HDGFL3: variants seen among roughly 807,000 people sequenced by gnomAD.
The protein encoded by HDGFL3 is HDGF like 3, also known as hepatoma-derived growth factor-related protein 3.
A neutral mutation model predicts 27.6 loss-of-function variants in HDGFL3; 6 were observed. That is an observed-to-expected ratio of 0.22 (90% CI 0.12 to 0.43). The LOEUF (loss-of-function observed/expected upper bound fraction) is 0.43, where lower values mean the gene tolerates loss of function less well. HDGFL3 is among the 20% of genes least tolerant of loss of function. The probability of loss-of-function intolerance (pLI) is 1.00; values close to 1 mark genes in which losing one functional copy is unlikely to be tolerated. For synonymous variants in HDGFL3, 88 were observed against 88.9 expected (o/e 0.99, Z 0.05); for missense variants, 207 against 250.1 (o/e 0.83, Z 1.16).
intron 5 of HDGFL3, among the ~76,000 whole-genome samples, chr15:83,139,692 C>A (rs549114024): frequency 1.2e-4 from 18 of 152,134 alleles, no homozygotes; most frequent in Admixed American, 5.9e-4. Context: ...AGAGTGTGCA[C>A]CAATTAATCT....
chr15:83,193,619 T>C (rs57729044), intron 1 of HDGFL3, among the ~76,000 whole-genome samples: 38,245 of 151,998 alleles, frequency 0.25, 5,179 homozygotes, highest in African/African-American at 0.35. Context: ...AGGAAAAATA[T>C]GAAAGCAACT....
intron 1 of HDGFL3, among the ~76,000 whole-genome samples, chr15:83,206,394 C>G (rs925778816): frequency 1.3e-5 from 2 of 152,184 alleles, no homozygotes; most frequent in African/African-American, 4.8e-5. Context: ...TTCAAGCAAT[C>G]AACTGCCAAC....
Position 83,164,184 on chromosome 15 carries a change from A to G in HDGFL3, c.85-109T>C, listed in dbSNP as rs542974729. 7 of 732,452 alleles carry G rather than the reference A, an allele frequency of 9.6e-6. No homozygotes were observed. In the South Asian group the frequency reaches 1.4e-4, roughly 15 times the overall value. The allele number at this position is 732,452 out of a possible 1,614,324, so 45.4% of individuals were successfully genotyped here. A position where few individuals can be genotyped will look rare whatever the true frequency, so the allele number is the denominator to read the frequency against. ...CAAAATAAAATCAATCAAAACTCAG[A>G]TAGTTTTTTAGAACTTTACAAAATG... On this transcript the variant is annotated intron_variant, in intron 1 of 5. Coordinates refer to ENST00000299633, the MANE Select transcript of HDGFL3 (RefSeq NM_016073.4).
At position 83,136,631 on chromosome 15, in the gene HDGFL3, G is replaced by C. The variant is rs748436484; in HGVS notation, c.*2639C>G. 6.2e-7 allele frequency: 1 copy of C among 1,606,102 alleles called. No individual in the cohort carries two copies. Among genetic ancestry groups the C allele is most frequent in the Non-Finnish European group, 8.5e-7 (1 of 1,177,918 alleles). On this transcript the variant is annotated 3_prime_UTR_variant, in exon 6 of 6. Coordinates refer to ENST00000299633, the MANE Select transcript of HDGFL3 (RefSeq NM_016073.4). ...GGCCTATCGTTGTATCTACAAACCA[G>C]AGTTCTTCATAAAAACAAAGGCAGA...
At chr15:83,172,389 T>A (rs1191462291) in intron 1 of HDGFL3, among the ~76,000 whole-genome samples, 1 of 152,180 alleles carries the variant, frequency 6.6e-6, no homozygotes, top group Admixed American at 6.5e-5. Flanking sequence ...ACTCACCTCC[T>A]GCACAGTTGA....
rs985114458 is a variant in HDGFL3, at chr15:83,133,886, G to A, written c.*5384C>T. On this transcript the variant is annotated 3_prime_UTR_variant, in exon 6 of 6. Coordinates refer to ENST00000299633, the MANE Select transcript of HDGFL3 (RefSeq NM_016073.4). ...AAAGCTATGGTCAGGTGCTCACTCAGCTGGAAGTGTGGCCACCATAAGTAC... is the reference window on the plus strand; with the variant it reads ...AAAGCTATGGTCAGGTGCTCACTCAACTGGAAGTGTGGCCACCATAAGTAC... 1 of 152,274 alleles carries A rather than the reference G, an allele frequency of 6.6e-6. No homozygotes were observed. Among genetic ancestry groups the A allele is most frequent in the African/African-American group, 2.4e-5 (1 of 41,456 alleles). 9.4% of individuals were successfully genotyped at this position (152,274 alleles called of 1,614,324 possible).
At chr15:83,187,340 T>G (rs76215618) in intron 1 of HDGFL3, among the ~76,000 whole-genome samples, 9,002 of 151,516 alleles carry the variant, frequency 0.059, 525 homozygotes, top group African/African-American at 0.15. Flanking sequence ...AGTTTTTTTT[T>G]TGTGTGTGTG....
intron 1 of HDGFL3, among the ~76,000 whole-genome samples, chr15:83,180,115 G>GA (rs909697075): frequency 2.0e-3 from 297 of 145,556 alleles, no homozygotes; most frequent in Non-Finnish European, 3.8e-3. Flanking sequence ...AGTGGAAAAG[G>GA]AAAAAAAAAA....
In HDGFL3 at chr15:83,129,687, A is replaced by C. The variant is rs992099164; in HGVS notation, c.*9583T>G. ...ATGGCACAGAGTCCTACAGCACAAA[A>C]GACTGTATGTAGTACGAGGTGCTGG... On this transcript the variant is annotated 3_prime_UTR_variant, in exon 6 of 6. Coordinates refer to ENST00000299633, the MANE Select transcript of HDGFL3 (RefSeq NM_016073.4). The C allele has an allele frequency of 2.4e-4, 37 of 152,226 alleles. No individual in the cohort carries two copies. The highest frequency in any genetic ancestry group is 8.9e-4 in the African/African-American group (37 of 41,456). The allele number at this position is 152,226 out of a possible 1,614,324, so 9.4% of individuals were successfully genotyped here.
At chr15:83,177,695 G>A (rs1422526683) in intron 1 of HDGFL3, among the ~76,000 whole-genome samples, 2 of 152,164 alleles carry the variant, frequency 1.3e-5, no homozygotes, top group Non-Finnish European at 2.9e-5. Context: ...GAGTGTGTGT[G>A]TGTGTATCTG....
In HDGFL3 at chr15:83,128,132, CAAAT is replaced by C. The variant is rs2035935382; in HGVS notation, c.*11134_*11137del. 6.6e-6 allele frequency: 1 copy of C among 152,170 alleles called. No homozygotes were observed. The highest frequency in any genetic ancestry group is 2.1e-4 in the South Asian group (1 of 4,838). The allele number at this position is 152,170 out of a possible 1,614,324, so 9.4% of individuals were successfully genotyped here. On this transcript the variant is annotated 3_prime_UTR_variant, in exon 6 of 6. Transcript: ENST00000299633. The stretch of plus-strand genomic sequence containing the variant: ...TTAATTTTTCTTACTAGAAATAAAA[CAAAT>C]GAACTTATCATTTAAAAACATTAGC...
chr15:83,127,466 G>A (rs1294434962), downstream of HDGFL3: 2 of 1,613,726 alleles, frequency 1.2e-6, no homozygotes, highest in Non-Finnish European at 1.7e-6. Context: ...ACATGCTGGA[G>A]GTCTGGCTCA....
Position 83,139,290 on chromosome 15 carries a change from A to C in HDGFL3, c.607-15T>G. 7.0e-7 allele frequency: 1 copy of C among 1,422,548 alleles called. No homozygotes were observed. The highest frequency in any genetic ancestry group is 9.4e-7 in the Non-Finnish European group (1 of 1,060,714). The allele number at this position is 1,422,548 out of a possible 1,614,324, so 88.1% of individuals were successfully genotyped here. On this transcript the variant is annotated splice_polypyrimidine_tract_variant and intron_variant, in intron 5 of 5. Coordinates refer to ENST00000299633, the MANE Select transcript of HDGFL3 (RefSeq NM_016073.4). The stretch of plus-strand genomic sequence containing the variant: ...GGTAGTTAGGTCTGTAAAAAAAAAA[A>C]AAAGAAAGAAAACAAGCCTTTAGAT...
intron 1 of HDGFL3, 112 bp from the exon 2 acceptor site, chr15:83,164,187 GT>G: frequency 2.8e-6 from 2 of 715,244 alleles, no homozygotes; most frequent in Non-Finnish European, 4.5e-6. Flanking sequence ...AACTCAGATA[GT>G]TTTTTAGAAC....
At chr15:83,152,990 C>CTTTT (rs920789734) in intron 4 of HDGFL3, among the ~76,000 whole-genome samples, 64 of 113,270 alleles carry the variant, frequency 5.7e-4, no homozygotes, top group African/African-American at 1.9e-3. Flanking sequence ...ATACGCAGTT[C>CTTTT]TTTTTTTTTT....
At chr15:83,143,154 G>C (rs537525639) in intron 5 of HDGFL3, among the ~76,000 whole-genome samples, 4 of 151,932 alleles carry the variant, frequency 2.6e-5, no homozygotes, top group South Asian at 4.2e-4. Context: ...CTGGGATTAC[G>C]GGCACATGCC....
chr15:83,191,573 A>C (rs555711509), intron 1 of HDGFL3, among the ~76,000 whole-genome samples: 1 of 152,306 alleles, frequency 6.6e-6, no homozygotes, highest in South Asian at 2.1e-4. Context: ...AAACATATAA[A>C]ATTGTAAGTT....
chr15:83,151,653 G>C (rs959159139), intron 4 of HDGFL3, among the ~76,000 whole-genome samples: 2 of 152,166 alleles, frequency 1.3e-5, no homozygotes, highest in African/African-American at 4.8e-5. Context: ...AATGTACCTA[G>C]AACACTGTCA....
downstream of HDGFL3, chr15:83,127,405 G>C (rs776153603): frequency 6.2e-7 from 1 of 1,613,968 alleles, no homozygotes; most frequent in Non-Finnish European, 8.5e-7. Context: ...TGACTGCACT[G>C]TATGGCTTAG....
Sources: gnomAD v4.1 joint callset for allele counts (sites outside exome capture counted in the v4.1 genomes callset) on GRCh38, gnomAD v4.1.1 for gene constraint, MANE v1.5 for transcripts, NCBI Gene and HGNC (gene_info 2026-07-23, HGNC 2026-07-21) for gene names.